Variants in CUL4A observed in about 807,000 individuals in gnomAD.
CUL4A encodes cullin-4A.
CUL4A carries 16 observed loss-of-function variants against 95.5 expected under a neutral mutation model. That is an observed-to-expected ratio of 0.17 (90% confidence interval 0.11 to 0.25). CUL4A has a LOEUF of 0.25. Ranked by LOEUF, CUL4A falls within the 10% of genes least tolerant of loss-of-function variation. CUL4A has a pLI of 1.00. For synonymous variants in CUL4A, 380 were observed against 353.1 expected, an observed-to-expected ratio of 1.08 and a Z score of -0.85; for missense variants, 610 against 937.0, an observed-to-expected ratio of 0.65 and a Z score of 4.56.
Position 113,236,841 on chromosome 13 carries a change from T to C in CUL4A, c.867T>C (p.Cys289=), listed in dbSNP as rs773036533. The C allele has an allele frequency of 8.7e-6, 14 of 1,611,836 alleles. No homozygotes were observed. Among genetic ancestry groups the C allele is most frequent in the Non-Finnish European group, 1.2e-5 (14 of 1,178,434 alleles). Residue 289 remains cysteine (C), a synonymous_variant, in exon 9 of 20, where the codon TGT becomes TGC. Transcript: ENST00000375440. ...DHSTQKPLIA[C]VEKQLLGEHL... is the part of the protein sequence containing the mutation. The stretch of plus-strand genomic sequence containing the variant: ...TATATAGGAAACCACTGATTGCTTG[T>C]GTGGAGAAACAGCTATTAGGAGAAC...
At chr13:113,254,078 C>T (rs2042061560) in intron 16 of CUL4A, among the ~76,000 whole-genome samples, 1 of 152,094 alleles carries the variant, frequency 6.6e-6, no homozygotes. Context: ...GGGTCTGTAC[C>T]AGCACCACCA....
chr13:113,251,360 G>A (rs988251232), intron 15 of CUL4A, among the ~76,000 whole-genome samples: 1 of 152,168 alleles, frequency 6.6e-6, no homozygotes, highest in Non-Finnish European at 1.5e-5. Flanking sequence ...AGGATGGGAG[G>A]GGCACAGGCC....
chr13:113,230,006 C>A (rs112114004), intron 5 of CUL4A: 27 of 268,278 alleles, frequency 1.0e-4, no homozygotes, highest in African/African-American at 5.5e-4. Flanking sequence ...CTTTCCTCAG[C>A]AGCGTTCGCG....
At chr13:113,223,389 TTTGTTG>T (rs144868566) in intron 3 of CUL4A, among the ~76,000 whole-genome samples, 2 of 152,122 alleles carry the variant, frequency 1.3e-5, no homozygotes, top group African/African-American at 4.8e-5. Context: ...ATTTAAGTAA[TTTGTTG>T]TTGTTGTTGT....
chr13:113,214,070 G>C, intron 2 of CUL4A, among the ~76,000 whole-genome samples: 1 of 152,222 alleles, frequency 6.6e-6, no homozygotes, highest in Non-Finnish European at 1.5e-5. Context: ...TGTATACTTT[G>C]CCAAAGAATC....
At position 113,263,671 on chromosome 13, in the gene CUL4A, G is replaced by A; in HGVS notation, c.*89G>A. The A allele has an allele frequency of 2.4e-6, 2 of 819,122 alleles. No homozygotes were observed. The highest frequency in any genetic ancestry group is 2.8e-5 in the East Asian group (1 of 35,940). 50.7% of individuals were successfully genotyped at this position (819,122 alleles called of 1,614,324 possible). A position where few individuals can be genotyped will look rare whatever the true frequency, so the allele number is the denominator to read the frequency against. ...CTGTGCCATTTCTGGGACTCTGATT[G>A]ATCCAGCTGTGGACATTGGAAGGCG... On this transcript the variant is annotated 3_prime_UTR_variant, in exon 20 of 20. Transcript: ENST00000375440.
At chr13:113,259,864 G>A (rs994876450) in intron 18 of CUL4A, among the ~76,000 whole-genome samples, 1 of 152,088 alleles carries the variant, frequency 6.6e-6, no homozygotes, top group African/African-American at 2.4e-5. Flanking sequence ...AAGTAAACAT[G>A]CATAATAAAG....
intron 3 of CUL4A, among the ~76,000 whole-genome samples, 169 bp from the exon 4 acceptor site, chr13:113,227,807 A>C (rs1390626792): frequency 1.3e-5 from 2 of 151,838 alleles, no homozygotes; most frequent in African/African-American, 4.8e-5. Flanking sequence ...CAAGAGGCTG[A>C]GGCAGGAGAA....
intron 18 of CUL4A, among the ~76,000 whole-genome samples, chr13:113,259,515 G>T (rs7987684): frequency 0.97 from 147,743 of 152,334 alleles, 71,791 homozygotes; most frequent in East Asian, 1. Flanking sequence ...ATGTTCAGAT[G>T]CTTTTTTATT....
At position 113,228,892 on chromosome 13, in the gene CUL4A, G is replaced by A. The variant is rs189045225; in HGVS notation, c.439-554G>A. ...TCCCAGCTCTTTGGGAGGCCGAGGC[G>A]GGCGGATCACGAGGTCAGGAGATCG... On this transcript the variant is annotated intron_variant, in intron 4 of 19. Transcript: ENST00000375440. 2.4e-3 allele frequency among the ~76,000 whole-genome samples: 358 copies of A among 152,056 alleles called. 1 individual carries two copies. Among genetic ancestry groups the A allele is most frequent in the African/African-American group, 8.0e-3 (333 of 41,474 alleles).
At chr13:113,255,627 C>T (rs184028914) in intron 18 of CUL4A, among the ~76,000 whole-genome samples, 5 of 152,284 alleles carry the variant, frequency 3.3e-5, no homozygotes, top group African/African-American at 9.6e-5. Context: ...TAGTTTTGCC[C>T]TTTCCTGAAT....
At chr13:113,224,214 G>C (rs1305165600) in intron 3 of CUL4A, among the ~76,000 whole-genome samples, 2 of 152,134 alleles carry the variant, frequency 1.3e-5, no homozygotes, top group African/African-American at 4.8e-5. Context: ...TTAGCCGGGC[G>C]TGGTGGCGGG....
intron 17 of CUL4A, 30 bp from the exon 18 acceptor site, chr13:113,254,923 A>G (rs758764646): frequency 6.2e-7 from 1 of 1,607,836 alleles, no homozygotes; most frequent in East Asian, 2.2e-5. Context: ...GTTTAACGCC[A>G]GCCTTTGCCT....
At chr13:113,260,827 C>A in intron 19 of CUL4A, 68 bp downstream of exon 19, 1 of 1,200,030 alleles carries the variant, frequency 8.3e-7, no homozygotes, top group Non-Finnish European at 1.2e-6. Flanking sequence ...ATGTTTAATT[C>A]TATGTTCAGT....
chr13:113,228,028 G>T lies in CUL4A; in HGVS notation c.421G>T (p.Asp141Tyr). The T allele has an allele frequency of 6.2e-7, 1 of 1,613,154 alleles. No individual in the cohort carries two copies. The highest frequency in any genetic ancestry group is 8.5e-7 in the Non-Finnish European group (1 of 1,179,120). ...AAAGAAGATTAACACGTGCTGGCAG[G>T]ACCACTGCAGACAAATGGTAAGCTT... Reference protein sequence around the residue: ...FLKKINTCWQDHCRQMIMIRS... With the variant: ...FLKKINTCWQYHCRQMIMIRS... The change falls in exon 4 of 20, where the codon GAC becomes TAC. Residue 141 changes from aspartate (D) to tyrosine (Y), a missense_variant. Around this residue, in one of 10 missense-constraint regions of CUL4A, gnomAD observed 168 missense variants for 185.5 expected, o/e 0.91. Coordinates refer to ENST00000375440, the MANE Select transcript of CUL4A (RefSeq NM_001008895.4).
intron 9 of CUL4A, among the ~76,000 whole-genome samples, chr13:113,238,315 G>T (rs1171617634): frequency 6.6e-6 from 1 of 151,876 alleles, no homozygotes; most frequent in Non-Finnish European, 1.5e-5. Flanking sequence ...AAAGCCACAG[G>T]TGGTGCATGC....
intron 5 of CUL4A, among the ~76,000 whole-genome samples, chr13:113,231,825 G>A (rs1363827671): frequency 6.6e-6 from 1 of 152,132 alleles, no homozygotes; most frequent in Non-Finnish European, 1.5e-5. Flanking sequence ...CAGCACACGC[G>A]GGAGCAACAG....
At position 113,220,022 on chromosome 13, in the gene CUL4A, C is replaced by T. The variant is rs546102196; in HGVS notation, c.368+974C>T. 9.8e-5 allele frequency among the ~76,000 whole-genome samples: 15 copies of T among 152,320 alleles called. No homozygotes were observed. The East Asian group carries it at 2.3e-3, about 24-fold the overall frequency. On this transcript the variant is annotated intron_variant, in intron 3 of 19. Transcript: ENST00000375440. ...TGCAGAAAATCTACTTGTGGCTGTA[C>T]TTTTCTAGGCCTCCGTTTCTTCATG...
At chr13:113,241,511 CTTTTTTT>C (rs10645246) in intron 10 of CUL4A, among the ~76,000 whole-genome samples, 2 of 120,094 alleles carry the variant, frequency 1.7e-5, no homozygotes, top group African/African-American at 5.9e-5. Context: ...CTGTTGGCAT[CTTTTTTT>C]TTTTTTTTTT....
Sources: gnomAD v4.1 joint callset for allele counts (sites outside exome capture counted in the v4.1 genomes callset) on GRCh38, gnomAD v4.1.1 for gene constraint, gnomAD v4.1.1 regional missense constraint, MANE v1.5 for transcripts, NCBI Gene and HGNC (gene_info 2026-07-23, HGNC 2026-07-21) for gene names.